Variants in DMC1 observed in about 807,000 individuals in gnomAD.
DMC1 encodes DNA meiotic recombinase 1.
Under a neutral mutation model 50.1 loss-of-function variants are expected in DMC1, and 27 were observed. That is an observed-to-expected ratio of 0.54 (90% confidence interval 0.40 to 0.74). The LOEUF (loss-of-function observed/expected upper bound fraction) is 0.74, where lower values mean the gene tolerates loss of function less well. Ranked by LOEUF, DMC1 falls within the 30% of genes least tolerant of loss-of-function variation. The pLI is 0.00. For missense variants in DMC1, 295 were observed against 420.2 expected (o/e 0.70, Z 2.60); for synonymous variants, 148 against 136.1 (o/e 1.09, Z -0.61).
intron 12 of DMC1, among the ~76,000 whole-genome samples, chr22:38,528,311 G>A (rs747699494): frequency 6.6e-6 from 1 of 151,252 alleles, no homozygotes; most frequent in Non-Finnish European, 1.5e-5. Flanking sequence ...TAATCTGCCC[G>A]CCTTGGCCTC....
At chr22:38,517,295 G>A (rs1440940822), downstream of DMC1, among the ~76,000 whole-genome samples, 2 of 152,196 alleles carry the variant, frequency 1.3e-5, no homozygotes, top group African/African-American at 4.8e-5. Context: ...CAGGCCGGGC[G>A]TGGTGGCTCA....
chr22:38,524,222 T>C (rs2090062007), intron 12 of DMC1, among the ~76,000 whole-genome samples: 1 of 152,136 alleles, frequency 6.6e-6, no homozygotes, highest in South Asian at 2.1e-4. Flanking sequence ...GAGACCAGCC[T>C]GGCCAATATG....
At position 38,520,514 on chromosome 22, in the gene DMC1, C is replaced by T. The variant is rs190856809; in HGVS notation, c.954-425G>A. 1.5e-3 allele frequency among the ~76,000 whole-genome samples: 231 copies of T among 152,148 alleles called. 1 individual carries two copies. Among genetic ancestry groups the T allele is most frequent in the African/African-American group, 4.8e-3 (198 of 41,500 alleles). ...CTGGGATTACAGGTGCCTGCCACCACGCCCGGCTAATTTTTGTATTTTTAG... is the reference window on the plus strand; with the variant it reads ...CTGGGATTACAGGTGCCTGCCACCATGCCCGGCTAATTTTTGTATTTTTAG... On this transcript the variant is annotated intron_variant, in intron 13 of 13. Transcript: ENST00000216024.
rs527487273 is a variant in DMC1 at position 38,527,431 on chromosome 22, C to T, written c.837-5707G>A. Among the ~76,000 whole-genome samples the T allele has an allele frequency of 7.9e-5, 12 of 152,046 alleles. No homozygotes were observed. The East Asian group carries it at 1.9e-3, about 25-fold the overall frequency. ...TGTTGGCCAGGCTGGTCTTGAACTC[C>T]CGACCTCAAGTGATCCGCCCACCTC... On this transcript the variant is annotated intron_variant, in intron 12 of 13. Transcript: ENST00000216024.
intron 11 of DMC1, among the ~76,000 whole-genome samples, chr22:38,537,972 G>A (rs1239500840): frequency 2.6e-5 from 4 of 152,040 alleles, no homozygotes; most frequent in East Asian, 1.9e-4. Context: ...GTGAAACCCC[G>A]TCTCTACTAA....
the DMC1 span, among the ~76,000 whole-genome samples, chr22:38,511,791 C>G: frequency 6.6e-6 from 1 of 152,074 alleles, no homozygotes; most frequent in African/African-American, 2.4e-5. Flanking sequence ...TAACAGAACT[C>G]CAAATTTTAG....
downstream of DMC1, among the ~76,000 whole-genome samples, chr22:38,515,526 C>T (rs569616109): frequency 6.0e-5 from 9 of 149,940 alleles, no homozygotes; most frequent in South Asian, 2.1e-4. Flanking sequence ...TAGCAGGGCA[C>T]GGTGGCTCAT....
chr22:38,529,291 G>A (rs1020482082), intron 12 of DMC1, among the ~76,000 whole-genome samples: 1 of 152,162 alleles, frequency 6.6e-6, no homozygotes, highest in Non-Finnish European at 1.5e-5. Context: ...TTACAGGCGT[G>A]AGCCACCGCA....
chr22:38,549,617 G>A (rs560685850), intron 8 of DMC1: 144 of 242,900 alleles, frequency 5.9e-4, no homozygotes, highest in Non-Finnish European at 9.6e-4. Flanking sequence ...GGGAGATTCC[G>A]TCTCAAAAAA....
chr22:38,570,005 C>T (rs2090622599), intron 1 of DMC1, 38 bp downstream of exon 1: 2 of 152,296 alleles, frequency 1.3e-5, no homozygotes, highest in South Asian at 4.1e-4. Context: ...CGAGCGTCCC[C>T]TCAGAGTCTT....
chr22:38,522,533 C>T (rs532760533), intron 12 of DMC1, among the ~76,000 whole-genome samples: 1 of 152,026 alleles, frequency 6.6e-6, no homozygotes, highest in East Asian at 2.0e-4. Flanking sequence ...TGCATTCCAG[C>T]CTGGGCAACA....
At chr22:38,557,742 T>A (rs962993920) in intron 5 of DMC1, among the ~76,000 whole-genome samples, 1 of 152,148 alleles carries the variant, frequency 6.6e-6, no homozygotes, top group Non-Finnish European at 1.5e-5. Context: ...TTTTAACGTT[T>A]AAGATAATTT....
chr22:38,546,292 A>AC (rs201846629), intron 8 of DMC1, among the ~76,000 whole-genome samples: 6,950 of 97,938 alleles, frequency 0.071, 280 homozygotes, highest in African/African-American at 0.28. Context: ...CGGGAGGCTG[A>AC]GGAGGAGAAT....
chr22:38,514,192 T>TAA (rs1466436586), downstream of DMC1, among the ~76,000 whole-genome samples: 1 of 150,594 alleles, frequency 6.6e-6, no homozygotes, highest in Admixed American at 6.6e-5. Context: ...GAATAGTGGC[T>TAA]GGGTAAAATA....
intron 8 of DMC1, among the ~76,000 whole-genome samples, chr22:38,546,294 G>C (rs59552199): frequency 0.046 from 6,945 of 151,816 alleles, 279 homozygotes; most frequent in East Asian, 0.11. Context: ...GGAGGCTGAG[G>C]AGGAGAATCG....
chr22:38,562,633 C>T (rs904522057), intron 4 of DMC1, among the ~76,000 whole-genome samples: 2 of 152,054 alleles, frequency 1.3e-5, no homozygotes, highest in Non-Finnish European at 2.9e-5. Context: ...TCAGCTTCCT[C>T]TTTTGGGTCA....
chr22:38,509,468 G>A, the DMC1 span, among the ~76,000 whole-genome samples: 1 of 152,152 alleles, frequency 6.6e-6, no homozygotes. Context: ...TAGAGCAGAG[G>A]CAGCAGTCAG....
At chr22:38,550,655 G>A (rs1476727523) in intron 7 of DMC1, among the ~76,000 whole-genome samples, 1 of 150,186 alleles carries the variant, frequency 6.7e-6, no homozygotes, top group East Asian at 2.0e-4. Context: ...ATATGGCCGG[G>A]CATGGTGGCT....
chr22:38,566,875 C>T, intron 3 of DMC1, 139 bp from the exon 4 acceptor site: 1 of 800,656 alleles, frequency 1.2e-6, no homozygotes, highest in South Asian at 1.5e-5. Context: ...AACCCACCCA[C>T]CATGTAGCCA....
Sources: gnomAD v4.1 joint callset for allele counts (sites outside exome capture counted in the v4.1 genomes callset) on GRCh38, gnomAD v4.1.1 for gene constraint, MANE v1.5 for transcripts, NCBI Gene and HGNC (gene_info 2026-07-23, HGNC 2026-07-21) for gene names.